Variants in SVIL observed in about 807,000 individuals in gnomAD.
SVIL encodes archvillin.
A neutral mutation model predicts 240.4 loss-of-function variants in SVIL; 101 were observed. The ratio of observed to expected loss-of-function variants is 0.42; its 90% CI spans 0.36 to 0.50. SVIL has a LOEUF of 0.50. Among genes scored for constraint, SVIL ranks in the 20% least tolerant of loss-of-function variants. The pLI is 0.01. For missense variants in SVIL, 2,512 were observed against 2,818.7 expected (o/e 0.89, Z 2.46); for synonymous variants, 999 against 1,100.0 (o/e 0.91, Z 1.82).
intron 1 of SVIL, among the ~76,000 whole-genome samples, chr10:29,724,000 T>C (rs1164987441): frequency 6.6e-6 from 1 of 152,176 alleles, no homozygotes; most frequent in African/African-American, 2.4e-5. Flanking sequence ...ACATTGTGTT[T>C]AGAGAGACTT....
intron 30 of SVIL, among the ~76,000 whole-genome samples, chr10:29,471,549 G>A (rs1195808672): frequency 6.6e-6 from 1 of 152,176 alleles, no homozygotes; most frequent in Admixed American, 6.5e-5. Context: ...CATAACTCCT[G>A]ATATTTTAAT....
At chr10:29,571,026 C>T (rs1422726964) in intron 1 of SVIL, among the ~76,000 whole-genome samples, 3 of 152,196 alleles carry the variant, frequency 2.0e-5, no homozygotes, top group Non-Finnish European at 4.4e-5. Flanking sequence ...GGCTTCTGAA[C>T]ATGGCTGCAC....
chr10:29,548,142 G>A (rs764593233), intron 6 of SVIL, among the ~76,000 whole-genome samples: 2 of 152,140 alleles, frequency 1.3e-5, no homozygotes, highest in African/African-American at 2.4e-5. Flanking sequence ...CTGGATGCTC[G>A]AGTATGTGGT....
chr10:29,717,467 A>G (rs1320133373), intron 1 of SVIL, among the ~76,000 whole-genome samples: 1 of 152,152 alleles, frequency 6.6e-6, no homozygotes, highest in Non-Finnish European at 1.5e-5. Flanking sequence ...CAATATGTGG[A>G]TGACTTCACT....
intron 3 of SVIL, among the ~76,000 whole-genome samples, chr10:29,557,799 C>A (rs927609475): frequency 6.6e-6 from 1 of 152,090 alleles, no homozygotes; most frequent in African/African-American, 2.4e-5. Flanking sequence ...GGGCATAAAA[C>A]GAGAAATTCT....
chr10:29,635,501 CA>C (rs1418527973), upstream of SVIL, among the ~76,000 whole-genome samples: 21 of 152,280 alleles, frequency 1.4e-4, no homozygotes, highest in African/African-American at 5.1e-4. Context: ...TCGAAAATGA[CA>C]CAAATATTTT....
rs745442275 is a variant in SVIL at position 29,481,621 on chromosome 10, G to A, written c.5063C>T (p.Ser1688Leu). The A allele has an allele frequency of 1.1e-5, 17 of 1,613,934 alleles. No homozygotes were observed. The highest frequency in any genetic ancestry group is 1.3e-5 in the Non-Finnish European group (15 of 1,180,014). Residue 1688 changes from serine to leucine, a missense_variant, in exon 28 of 38, where the codon TCG (serine) becomes TTG (leucine). Physicochemically the swap from Ser to Leu is moderately radical, Grantham distance 145. This residue lies in a region of SVIL where 797 missense variants were observed against 925.3 expected (regional missense o/e 0.86). Transcript: ENST00000355867. ...KFLDWTELKR[S>L]NEKNPGELAQ... ...AAGTTCCCCGGGGTTCTTCTCATTC[G>A]ATCTCTTCAGTTCCGTCCAATCCAG...
chr10:29,459,156 C>G (rs867754718), intron 36 of SVIL, among the ~76,000 whole-genome samples: 5 of 152,160 alleles, frequency 3.3e-5, no homozygotes, highest in African/African-American at 1.2e-4. Context: ...GTAACCCAGG[C>G]TGGAGGGCAG....
chr10:29,529,721 C>A lies in SVIL; in HGVS notation c.2230G>T (p.Val744Leu). Reference sequence around the variant, plus strand: ...GGCACTTACGTGGCTGCGATGACCACCTCTTCAGTGGTGATGGGCTGGGTG... The same window carrying A: ...GGCACTTACGTGGCTGCGATGACCAACTCTTCAGTGGTGATGGGCTGGGTG... Reference protein sequence around the residue: ...SLTQPITTEEVVIAATEPIPA... With the variant: ...SLTQPITTEELVIAATEPIPA... Residue 744 changes from valine (V) to leucine (L), a missense_variant, in exon 12 of 38, where the codon GTG (valine) becomes TTG (leucine). By Grantham distance (32) the Val-to-Leu change is conservative. Transcript: ENST00000355867. 1 of 1,609,188 alleles carries A rather than the reference C, an allele frequency of 6.2e-7. No individual in the cohort carries two copies. Among genetic ancestry groups the A allele is most frequent in the South Asian group, 1.1e-5 (1 of 90,282 alleles).
chr10:29,660,677 C>G (rs1172169474), intron 2 of SVIL, among the ~76,000 whole-genome samples: 1 of 152,156 alleles, frequency 6.6e-6, no homozygotes, highest in Non-Finnish European at 1.5e-5. Flanking sequence ...TCATCCCTCC[C>G]TCTTCTTAAA....
chr10:29,702,175 CAAAAAAAAAA>C (rs60338711), intron 1 of SVIL, among the ~76,000 whole-genome samples: 2 of 61,648 alleles, frequency 3.2e-5, no homozygotes, highest in South Asian at 7.2e-4. Flanking sequence ...ACTCCATCTC[CAAAAAAAAAA>C]AAAAAAAAAA....
chr10:29,531,802 G>C (rs1351433335), intron 9 of SVIL, among the ~76,000 whole-genome samples, 200 bp downstream of exon 9: 1 of 152,168 alleles, frequency 6.6e-6, no homozygotes, highest in East Asian at 1.9e-4. Flanking sequence ...AATTGTGTAT[G>C]TATCATAATA....
chr10:29,532,593 C>T lies in SVIL; in HGVS notation c.1774G>A (p.Val592Ile), dbSNP rs751852381. Residue 592 changes from valine to isoleucine, a missense_variant, in exon 8 of 38, where the codon GTC becomes ATC. Val to Ile is a conservative substitution (Grantham distance 29). This residue lies in a region of SVIL where 1,443 missense variants were observed against 1,486.6 expected (regional missense o/e 0.97). Transcript: ENST00000355867. ...YGEISMLDTK[V>I]SVAQLRSAFL... ...GCACTTCGGAGCTGGGCGACAGAGA[C>T]TTTTGTGTCCAGCATGCTGATCTCC... 5 of 1,613,908 alleles carry T rather than the reference C, an allele frequency of 3.1e-6. No homozygotes were observed. Among genetic ancestry groups the T allele is most frequent in the Admixed American group, 3.3e-5 (2 of 60,000 alleles).
At chr10:29,594,715 C>T (rs1456460435) in intron 1 of SVIL, among the ~76,000 whole-genome samples, 2 of 152,092 alleles carry the variant, frequency 1.3e-5, no homozygotes, top group Non-Finnish European at 2.9e-5. Context: ...TGCCACCACA[C>T]CCAGATAATT....
At chr10:29,600,302 G>A (rs967461047) in intron 1 of SVIL, among the ~76,000 whole-genome samples, 1 of 152,196 alleles carries the variant, frequency 6.6e-6, no homozygotes, top group African/African-American at 2.4e-5. Flanking sequence ...GGGGAAGGTT[G>A]GAGGTGTCTT....
chr10:29,564,418 C>T (rs35367229), intron 2 of SVIL, among the ~76,000 whole-genome samples: 3,074 of 152,104 alleles, frequency 0.02, 42 homozygotes, highest in Middle Eastern at 0.055. Flanking sequence ...GCTGCTGCCT[C>T]GAAGGAAGAA....
intron 27 of SVIL, among the ~76,000 whole-genome samples, chr10:29,482,583 C>G (rs1947004816): frequency 6.6e-6 from 1 of 151,458 alleles, no homozygotes; most frequent in African/African-American, 2.4e-5. Context: ...AACACACTTT[C>G]ATAGATCTTG....
In SVIL at chr10:29,480,775, T is replaced by C; in HGVS notation, c.5139A>G (p.Thr1713=). ...TCGTCTGGGGCATGGACACCATCCG[T>C]GTCACATCGTATGCCTTGACATCAG... ...PRTDVKAYDV[T]RMVSMPQTTA... is the part of the protein sequence containing the mutation. The change falls in exon 29 of 38, where the codon ACA becomes ACG. Residue 1713 remains threonine, a synonymous_variant. Transcript: ENST00000355867. 2 of 1,613,216 alleles carry C rather than the reference T, an allele frequency of 1.2e-6. No homozygotes were observed. The highest frequency in any genetic ancestry group is 1.7e-6 in the Non-Finnish European group (2 of 1,179,902).
intron 1 of SVIL, among the ~76,000 whole-genome samples, chr10:29,602,522 G>A (rs182482087): frequency 1.2e-3 from 178 of 152,288 alleles, no homozygotes; most frequent in Non-Finnish European, 1.7e-3. Context: ...GAATGCAAAT[G>A]TTTTTATTCA....
Sources: gnomAD v4.1 joint callset for allele counts (sites outside exome capture counted in the v4.1 genomes callset) on GRCh38, gnomAD v4.1.1 for gene constraint, gnomAD v4.1.1 regional missense constraint, MANE v1.5 for transcripts, NCBI Gene and HGNC (gene_info 2026-07-23, HGNC 2026-07-21) for gene names.